SAMD12: variants seen among roughly 807,000 people sequenced by gnomAD.
SAMD12 encodes sterile alpha motif domain-containing protein 12.
A neutral mutation model predicts 15.0 loss-of-function variants in SAMD12; 9 were observed. The observed-to-expected ratio is 0.60, with a 90% CI of 0.36 to 1.05. SAMD12 has a LOEUF of 1.05. Among genes scored for constraint, SAMD12 ranks in the 50% least tolerant of loss-of-function variants. The pLI is 0.01. For synonymous variants in SAMD12, 86 were observed against 90.1 expected (o/e 0.96, Z 0.25); for missense variants, 230 against 234.2 (o/e 0.98, Z 0.12).
At chr8:118,432,741 G>T (rs1822452402) in intron 3 of SAMD12, among the ~76,000 whole-genome samples, 1 of 152,140 alleles carries the variant, frequency 6.6e-6, no homozygotes. Flanking sequence ...ATGGGTGGGT[G>T]TCAAGAAGGT....
intron 2 of SAMD12, among the ~76,000 whole-genome samples, chr8:118,569,265 C>T (rs1216236624): frequency 6.6e-6 from 1 of 151,938 alleles, no homozygotes; most frequent in Non-Finnish European, 1.5e-5. Flanking sequence ...GTTTCATGCA[C>T]AAAATTATTT....
At chr8:118,415,090 C>A (rs1484040164) in intron 3 of SAMD12, among the ~76,000 whole-genome samples, 7 of 152,122 alleles carry the variant, frequency 4.6e-5, no homozygotes, top group African/African-American at 1.7e-4. Flanking sequence ...ACTGAAATCC[C>A]AAGTCATGCC....
At chr8:118,482,037 G>T (rs374887758) in intron 2 of SAMD12, among the ~76,000 whole-genome samples, 37 of 152,324 alleles carry the variant, frequency 2.4e-4, no homozygotes, top group East Asian at 1.7e-3. Context: ...TAATGGAAGA[G>T]CAGGGATTCA....
At chr8:118,272,552 G>C (rs555526172) in intron 4 of SAMD12, among the ~76,000 whole-genome samples, 2 of 152,198 alleles carry the variant, frequency 1.3e-5, no homozygotes, top group South Asian at 2.1e-4. Flanking sequence ...CAGAAAATGG[G>C]GTTTTCTTTT....
chr8:118,425,163 T>C (rs745657096), intron 3 of SAMD12, among the ~76,000 whole-genome samples: 8 of 151,966 alleles, frequency 5.3e-5, no homozygotes, highest in East Asian at 1.9e-4. Flanking sequence ...TGGTCTCAAT[T>C]TCCTGACCTT....
chr8:118,473,869 G>A (rs557268173), intron 2 of SAMD12, among the ~76,000 whole-genome samples: 1 of 152,212 alleles, frequency 6.6e-6, no homozygotes, highest in South Asian at 2.1e-4. Flanking sequence ...TACTGCACAG[G>A]TCCATCCAAC....
At chr8:118,527,448 G>C (rs903299856) in intron 2 of SAMD12, among the ~76,000 whole-genome samples, 1 of 152,102 alleles carries the variant, frequency 6.6e-6, no homozygotes, top group South Asian at 2.1e-4. Flanking sequence ...GTTAATTCTA[G>C]TACTTTGTTT....
chr8:118,591,133 G>T (rs963234599), intron 1 of SAMD12, among the ~76,000 whole-genome samples: 1 of 152,006 alleles, frequency 6.6e-6, no homozygotes, highest in Non-Finnish European at 1.5e-5. Context: ...AAAACTCATC[G>T]AACTTAACAC....
At position 118,513,101 on chromosome 8, in the gene SAMD12, C is replaced by A. The variant is rs187502399; in HGVS notation, c.192+67614G>T. ...GCAGGGATCATCTTTATTTTTCTCA[C>A]AGCCTAGTAAATTGTCTTGGCAAAA... On this transcript the variant is annotated intron_variant, in intron 2 of 3. Transcript: ENST00000314727. Among the ~76,000 whole-genome samples, 258 of 152,134 alleles carry A rather than the reference C, an allele frequency of 1.7e-3. 8 individuals carry two copies. Among genetic ancestry groups the A allele is most frequent in the Admixed American group, 0.015 (234 of 15,272 alleles).
At chr8:118,335,108 GTTGTGGGTCCAGAAACGTC>G (rs1816995421) in intron 4 of SAMD12, among the ~76,000 whole-genome samples, 1 of 152,122 alleles carries the variant, frequency 6.6e-6, no homozygotes, top group Non-Finnish European at 1.5e-5. Context: ...TCACACTGCA[GTTGTGGGTCCAGAAACGTC>G]CTAGCCCCAG....
chr8:118,307,149 C>G (rs1815391421), intron 4 of SAMD12, among the ~76,000 whole-genome samples: 1 of 152,214 alleles, frequency 6.6e-6, no homozygotes, highest in Non-Finnish European at 1.5e-5. Flanking sequence ...TCCTAGTCTG[C>G]TAGCCCCTCT....
rs1294815570 is a variant in SAMD12, at chr8:118,576,298, G to A, written c.192+4417C>T. 3.3e-5 allele frequency among the ~76,000 whole-genome samples: 5 copies of A among 152,154 alleles called. No homozygotes were observed. The South Asian group carries it at 8.3e-4, about 25-fold the overall frequency. ...TTTAAATAAATCTGAATATCCACATGTGCTAGTGGCTATTGTATTGAACAA... is the reference window on the plus strand; with the variant it reads ...TTTAAATAAATCTGAATATCCACATATGCTAGTGGCTATTGTATTGAACAA... On this transcript the variant is annotated intron_variant, in intron 2 of 3. Coordinates refer to ENST00000314727, the MANE Select transcript of SAMD12 (RefSeq NM_207506.3).
chr8:118,462,421 TGCAG>T (rs1823450641), intron 2 of SAMD12, among the ~76,000 whole-genome samples: 1 of 152,210 alleles, frequency 6.6e-6, no homozygotes, highest in African/African-American at 2.4e-5. Flanking sequence ...TAAGGGACTG[TGCAG>T]GGGATAGTGG....
the SAMD12 span, among the ~76,000 whole-genome samples, chr8:118,171,642 A>G: frequency 6.6e-6 from 1 of 152,092 alleles, no homozygotes; most frequent in Non-Finnish European, 1.5e-5. Flanking sequence ...CAGATCTACA[A>G]AGACAGAAAG....
chr8:118,211,737 G>C (rs1811831385), intron 4 of SAMD12, among the ~76,000 whole-genome samples: 1 of 151,880 alleles, frequency 6.6e-6, no homozygotes, highest in African/African-American at 2.4e-5. Context: ...GGGAGTCCTG[G>C]GCAGTGGCCC....
chr8:118,165,629 T>TACACATATACAC, the SAMD12 span, among the ~76,000 whole-genome samples: 1 of 129,712 alleles, frequency 7.7e-6, no homozygotes, highest in South Asian at 2.5e-4. Flanking sequence ...TATATATATA[T>TACACATATACAC]ATATATACAT....
At chr8:118,227,594 C>T (rs2129903059) in intron 4 of SAMD12, among the ~76,000 whole-genome samples, 1 of 152,288 alleles carries the variant, frequency 6.6e-6, no homozygotes, top group East Asian at 1.9e-4. Context: ...GGGTAAGTCA[C>T]TTTCCTCATT....
At chr8:118,327,251 C>T (rs888210814) in intron 4 of SAMD12, among the ~76,000 whole-genome samples, 4 of 152,134 alleles carry the variant, frequency 2.6e-5, no homozygotes, top group African/African-American at 9.7e-5. Context: ...ATTGAAAGTC[C>T]TCCTGGCTTC....
At chr8:118,186,882 G>T (rs559267758), downstream of SAMD12, among the ~76,000 whole-genome samples, 1 of 152,170 alleles carries the variant, frequency 6.6e-6, no homozygotes, top group East Asian at 1.9e-4. Context: ...AATGAGGGTA[G>T]CATAGATGGG....
Sources: gnomAD v4.1 joint callset for allele counts (sites outside exome capture counted in the v4.1 genomes callset) on GRCh38, gnomAD v4.1.1 for gene constraint, MANE v1.5 for transcripts, NCBI Gene and HGNC (gene_info 2026-07-23, HGNC 2026-07-21) for gene names.